The following COL6A5 variants were observed in gnomAD, a reference collection of about 807,000 sequenced individuals.
COL6A5 encodes the protein collagen alpha-5(VI) chain.
A neutral mutation model predicts 65.6 loss-of-function variants in COL6A5; 48 were observed. That is an observed-to-expected ratio of 0.73 (90% CI 0.58 to 0.93). COL6A5 has a LOEUF of 0.93. COL6A5 is among the 40% of genes least tolerant of loss of function. COL6A5 has a pLI of 0.00. For synonymous variants in COL6A5, 291 were observed against 322.8 expected, an observed-to-expected ratio of 0.90 and a Z score of 1.05; for missense variants, 914 against 928.3, an observed-to-expected ratio of 0.98 and a Z score of 0.20.
intron 3 of COL6A5, among the ~76,000 whole-genome samples, chr3:130,378,478 T>C (rs949825127): frequency 3.9e-5 from 6 of 152,190 alleles, no homozygotes; most frequent in Non-Finnish European, 7.4e-5. Context: ...ATCTCTTTCC[T>C]GGACTAGGGC....
chr3:130,385,924 A>G (rs1417824366), intron 5 of COL6A5, among the ~76,000 whole-genome samples: 1 of 152,100 alleles, frequency 6.6e-6, no homozygotes, highest in Non-Finnish European at 1.5e-5. Flanking sequence ...TATCAAGTAT[A>G]TATGTAATAA....
intron 4 of COL6A5, 150 bp from the exon 37 acceptor site, chr3:130,455,304 TC>T: frequency 1.7e-6 from 1 of 598,762 alleles, no homozygotes; most frequent in Non-Finnish European, 3.0e-6. Context: ...ATAATGAATC[TC>T]AATGAATTAT....
rs541973078 is a variant in COL6A5, at chr3:130,376,074, A to G, written c.68-163A>G. ...CTAAAGCCCTTTTGTTTGACATTTTAGCAAAGGCAATTATATTTTCTTCTG... is the reference window on the plus strand; with the variant it reads ...CTAAAGCCCTTTTGTTTGACATTTTGGCAAAGGCAATTATATTTTCTTCTG... On this transcript the variant is annotated intron_variant and NMD_transcript_variant, in intron 2 of 41. Coordinates refer to the COL6A5 transcript ENST00000312481. 8.5e-5 allele frequency among the ~76,000 whole-genome samples: 13 copies of G among 152,332 alleles called. 1 individual carries two copies. In the South Asian group the frequency reaches 2.7e-3, roughly 32 times the overall value.
At chr3:130,482,186 A>G (rs999052818) in intron 7 of COL6A5, among the ~76,000 whole-genome samples, 3 of 152,116 alleles carry the variant, frequency 2.0e-5, no homozygotes, top group Admixed American at 2.0e-4. Context: ...TAGGTCTTAC[A>G]TTTAAATCTT....
intron 6 of COL6A5, among the ~76,000 whole-genome samples, chr3:130,390,580 G>A (rs1936361453): frequency 6.6e-6 from 1 of 152,122 alleles, no homozygotes; most frequent in South Asian, 2.1e-4. Flanking sequence ...AAGGTGATAG[G>A]AGTTTTTGCT....
chr3:130,364,324 C>A lies in COL6A5; in HGVS notation c.-28-9287C>A, dbSNP rs116171825. 4.0e-3 allele frequency among the ~76,000 whole-genome samples: 609 copies of A among 152,268 alleles called. 2 individuals carry two copies. Among genetic ancestry groups the A allele is most frequent in the African/African-American group, 0.013 (545 of 41,536 alleles). On this transcript the variant is annotated intron_variant and NMD_transcript_variant, in intron 1 of 41. Transcript: ENST00000312481. ...ACTCTGCATATCCATTTCTGCATTTCCCCCTAACCTACTATATCCTTTAAG... is the reference window on the plus strand; with the variant it reads ...ACTCTGCATATCCATTTCTGCATTTACCCCTAACCTACTATATCCTTTAAG...
chr3:130,346,435 G>T (rs1934479984), intron 1 of COL6A5, among the ~76,000 whole-genome samples: 1 of 152,158 alleles, frequency 6.6e-6, no homozygotes, highest in Admixed American at 6.5e-5. Context: ...AAACAGCAAT[G>T]GGTGTGTAGG....
chr3:130,463,299 A>C (rs2107608234), intron 5 of COL6A5, among the ~76,000 whole-genome samples: 1 of 141,572 alleles, frequency 7.1e-6, no homozygotes, highest in African/African-American at 2.5e-5. Flanking sequence ...CACATGGTTA[A>C]TTTTGGCCCC....
intron 2 of COL6A5, 24 bp from the exon 3 acceptor site, chr3:130,376,213 T>C: frequency 6.5e-7 from 1 of 1,539,316 alleles, no homozygotes; most frequent in Non-Finnish European, 8.7e-7. Flanking sequence ...AACTTTGTTT[T>C]TGCTTGTTAT....
intron 1 of COL6A5, among the ~76,000 whole-genome samples, chr3:130,349,716 C>T (rs1031058197): frequency 2.0e-5 from 3 of 152,074 alleles, no homozygotes. Context: ...AATGTGTATT[C>T]TTGTGCATAT....
In COL6A5 at chr3:130,397,722, T is replaced by C. The variant is rs1379768212; in HGVS notation, c.3708T>C (p.Cys1236=). Residue 1236 remains cysteine (C), a synonymous_variant and NMD_transcript_variant, in exon 9 of 42, where the codon TGT becomes TGC. Coordinates refer to the COL6A5 transcript ENST00000312481. ...TCAGCTCTATCAAGGGGGTGAGCTG[T>C]GGGGCTGGCACAGAGGCACAGGTGA... is the stretch of plus-strand genomic sequence containing the variant. 22 of 1,551,596 alleles carry C rather than the reference T, an allele frequency of 1.4e-5. No homozygotes were observed. In the East Asian group the frequency reaches 4.4e-4, roughly 31 times the overall value.
Position 130,413,536 on chromosome 3 carries a change from C to T in COL6A5, c.4663-9C>T, listed in dbSNP as rs1937243405. 5.2e-6 allele frequency: 8 copies of T among 1,548,492 alleles called. No individual in the cohort carries two copies. The highest frequency in any genetic ancestry group is 7.0e-6 in the Non-Finnish European group (8 of 1,144,458). On this transcript the variant is annotated splice_polypyrimidine_tract_variant and intron_variant and NMD_transcript_variant, in intron 20 of 41. Transcript: ENST00000312481. ...TCCACATACTAACAGTTTGCCTTTTCTGTCCCAGGGAAGAGAAGGTCAAAG... is the reference window on the plus strand; with the variant it reads ...TCCACATACTAACAGTTTGCCTTTTTTGTCCCAGGGAAGAGAAGGTCAAAG...
At chr3:130,419,378 G>T (rs532900091) in intron 25 of COL6A5, among the ~76,000 whole-genome samples, 1 of 152,226 alleles carries the variant, frequency 6.6e-6, no homozygotes, top group South Asian at 2.1e-4. Flanking sequence ...CTCAGCTCAT[G>T]GAGCAGCCAG....
chr3:130,406,403 A>G (rs771801738), intron 17 of COL6A5, 82 bp downstream of exon 17: 12 of 1,103,628 alleles, frequency 1.1e-5, no homozygotes, highest in Middle Eastern at 2.8e-4. Flanking sequence ...CAGTGGTTAT[A>G]GGGGATAAAA....
intron 22 of COL6A5, among the ~76,000 whole-genome samples, chr3:130,415,186 T>C (rs1937303865): frequency 6.6e-6 from 1 of 152,110 alleles, no homozygotes. Flanking sequence ...ACGTGTTTGA[T>C]GGCAAATATG....
chr3:130,357,075 A>G (rs1285880872), intron 1 of COL6A5, among the ~76,000 whole-genome samples: 1 of 152,228 alleles, frequency 6.6e-6, no homozygotes, highest in Non-Finnish European at 1.5e-5. Flanking sequence ...AGTAAACAGT[A>G]TAATTTACTA....
chr3:130,388,654 A>G (rs1261159097), exon 6 of COL6A5: 1 of 1,551,228 alleles, frequency 6.4e-7, no homozygotes, highest in Admixed American at 2.0e-5. Context: ...AAATTTTAGG[A>G]AAATGAAAAT....
Position 130,415,719 on chromosome 3 carries a change from G to C in COL6A5, c.4824+12G>C. 2 of 1,543,710 alleles carry C rather than the reference G, an allele frequency of 1.3e-6. No homozygotes were observed. Among genetic ancestry groups the C allele is most frequent in the Non-Finnish European group, 1.8e-6 (2 of 1,142,152 alleles). On this transcript the variant is annotated intron_variant and NMD_transcript_variant, in intron 23 of 41. Coordinates refer to the COL6A5 transcript ENST00000312481. Reference sequence around the variant, plus strand: ...AGAAAGGACCTCAGGTGAGTGACTCGGAGACATTAGGCTCAATGACTCTCA... The same window carrying C: ...AGAAAGGACCTCAGGTGAGTGACTCCGAGACATTAGGCTCAATGACTCTCA...
Position 130,469,842 on chromosome 3 carries a change from C to G in COL6A5, c.2231+361C>G, listed in dbSNP as rs2107615141. On this transcript the variant is annotated intron_variant, in intron 6 of 7. Transcript: ENST00000512836. ...TTTTGCAAGTGAAAAGACTGAGATTCAGAAATGTTAAATAAAGTGCTTAAA... is the reference window on the plus strand; with the variant it reads ...TTTTGCAAGTGAAAAGACTGAGATTGAGAAATGTTAAATAAAGTGCTTAAA... Among the ~76,000 whole-genome samples the G allele has an allele frequency of 2.0e-5, 3 of 152,136 alleles. No individual in the cohort carries two copies. The East Asian group carries it at 5.8e-4, about 29-fold the overall frequency.
Sources: allele counts gnomAD v4.1 joint callset (sites outside exome capture counted in the v4.1 genomes callset), GRCh38; gene constraint gnomAD v4.1.1; transcripts MANE v1.5; gene names NCBI Gene and HGNC (gene_info 2026-07-23, HGNC 2026-07-21).